The following ADARB2 variants were observed in gnomAD, a reference collection of about 807,000 sequenced individuals.
ADARB2 encodes inactive double-stranded RNA-specific editase B2.
ADARB2 carries 25 observed loss-of-function variants against 62.2 expected under a neutral mutation model. The ratio of observed to expected loss-of-function variants is 0.40; its 90% CI spans 0.29 to 0.56. The LOEUF (loss-of-function observed/expected upper bound fraction) is 0.56. ADARB2 is among the 20% of genes least tolerant of loss of function. The pLI is 0.43. For missense variants in ADARB2, 1,071 were observed against 1,077.4 expected (o/e 0.99, Z 0.08); for synonymous variants, 572 against 500.8 (o/e 1.14, Z -1.90).
At chr10:1,451,493 A>G (rs1831037222) in intron 1 of ADARB2, among the ~76,000 whole-genome samples, 1 of 152,180 alleles carries the variant, frequency 6.6e-6, no homozygotes, top group Non-Finnish European at 1.5e-5. Context: ...AAGAGGGAAC[A>G]CAGCTGCAGA....
At position 1,500,936 on chromosome 10, in the gene ADARB2, C is replaced by A. The variant is rs367976924; in HGVS notation, c.101-121776G>T. Among the ~76,000 whole-genome samples the A allele has an allele frequency of 6.4e-4, 97 of 152,178 alleles. 1 individual carries two copies. In the South Asian group the frequency reaches 0.017, roughly 27 times the overall value. ...GTCTCCCAGCCTGGAGTGCAGAAGC[C>A]CAATCTGTGCTCACTGCAACCTCCA... On this transcript the variant is annotated intron_variant, in intron 1 of 9. Transcript: ENST00000381312.
chr10:1,537,186 T>C (rs2131965011), intron 1 of ADARB2, among the ~76,000 whole-genome samples: 1 of 152,306 alleles, frequency 6.6e-6, no homozygotes, highest in Admixed American at 6.5e-5. Flanking sequence ...AGAAGACATT[T>C]ATGAGGCCAA....
chr10:1,198,612 C>T (rs182409199), intron 8 of ADARB2, among the ~76,000 whole-genome samples: 18 of 152,344 alleles, frequency 1.2e-4, no homozygotes, highest in Admixed American at 3.3e-4. Context: ...CAGGCTGCAC[C>T]GGCCGTGGTG....
At chr10:1,536,194 G>A (rs983043944) in intron 1 of ADARB2, among the ~76,000 whole-genome samples, 1 of 152,100 alleles carries the variant, frequency 6.6e-6, no homozygotes, top group Non-Finnish European at 1.5e-5. Flanking sequence ...GGTGATTTGG[G>A]TTAGATGGGG....
intron 5 of ADARB2, 40 bp downstream of exon 5, chr10:1,242,091 C>A (rs537008110): frequency 5.8e-6 from 9 of 1,549,168 alleles, no homozygotes; most frequent in Non-Finnish European, 7.8e-6. Context: ...CCCCCAGCCG[C>A]GGCGTCCGCC....
chr10:1,697,411 C>T (rs949239293), intron 1 of ADARB2, among the ~76,000 whole-genome samples: 1 of 152,178 alleles, frequency 6.6e-6, no homozygotes, highest in African/African-American at 2.4e-5. Flanking sequence ...CTGAGCGAGA[C>T]AGACACAGAG....
At chr10:1,293,667 A>G (rs1831498319) in intron 3 of ADARB2, among the ~76,000 whole-genome samples, 1 of 152,196 alleles carries the variant, frequency 6.6e-6, no homozygotes, top group South Asian at 2.1e-4. Flanking sequence ...CTTCCTCTGG[A>G]GATGTGTATC....
At chr10:1,323,698 TA>T (rs960272753) in intron 3 of ADARB2, among the ~76,000 whole-genome samples, 13 of 147,780 alleles carry the variant, frequency 8.8e-5, no homozygotes, top group South Asian at 4.3e-4. Flanking sequence ...AACACAGCCT[TA>T]AAAAAAAAAG....
intron 3 of ADARB2, among the ~76,000 whole-genome samples, chr10:1,318,387 C>G (rs1187030917): frequency 6.6e-6 from 1 of 152,184 alleles, no homozygotes; most frequent in Non-Finnish European, 1.5e-5. Context: ...ATTTGAGAAC[C>G]ATGCAGGAGT....
At chr10:1,416,841 G>T (rs886291173) in intron 1 of ADARB2, among the ~76,000 whole-genome samples, 2 of 152,250 alleles carry the variant, frequency 1.3e-5, no homozygotes, top group East Asian at 1.9e-4. Flanking sequence ...CATTGGCAGC[G>T]CCCAGCTTGC....
chr10:1,631,219 C>T (rs1833838758), intron 1 of ADARB2, among the ~76,000 whole-genome samples: 1 of 152,148 alleles, frequency 6.6e-6, no homozygotes, highest in African/African-American at 2.4e-5. Context: ...CACCTCCACC[C>T]TTTCTACCCT....
At chr10:1,429,818 T>C (rs550117929) in intron 1 of ADARB2, among the ~76,000 whole-genome samples, 98 of 152,180 alleles carry the variant, frequency 6.4e-4, no homozygotes, top group Non-Finnish European at 2.1e-4. Flanking sequence ...CTATAACTGC[T>C]ATTTTTGCTT....
At chr10:1,495,611 TAGA>T (rs1831678228) in intron 1 of ADARB2, among the ~76,000 whole-genome samples, 1 of 65,712 alleles carries the variant, frequency 1.5e-5, no homozygotes, top group Non-Finnish European at 4.2e-5. Flanking sequence ...AGAGGAGCCT[TAGA>T]AATATTCCAT....
intron 1 of ADARB2, among the ~76,000 whole-genome samples, chr10:1,397,856 G>T (rs1232642082): frequency 1.9e-5 from 2 of 106,610 alleles, no homozygotes; most frequent in Admixed American, 8.5e-5. Context: ...CTCCCCTCCC[G>T]AGTGGAGGCT....
chr10:1,411,509 C>A (rs963578155), intron 1 of ADARB2, among the ~76,000 whole-genome samples: 1 of 152,196 alleles, frequency 6.6e-6, no homozygotes, highest in Non-Finnish European at 1.5e-5. Flanking sequence ...GAACCCAAAG[C>A]GGGAATTTGA....
chr10:1,466,047 A>C (rs982404186), intron 1 of ADARB2, among the ~76,000 whole-genome samples: 1 of 152,254 alleles, frequency 6.6e-6, no homozygotes, highest in African/African-American at 2.4e-5. Context: ...GAAGGCTCTC[A>C]GTTGCCATCA....
At chr10:1,699,106 A>G (rs1437730614) in intron 1 of ADARB2, among the ~76,000 whole-genome samples, 2 of 152,272 alleles carry the variant, frequency 1.3e-5, no homozygotes, top group Non-Finnish European at 2.9e-5. Context: ...CTGACACTGC[A>G]GTGATTTTAA....
At chr10:1,717,156 CTTTTTTTTTT>C (rs397969884) in intron 1 of ADARB2, among the ~76,000 whole-genome samples, 25 of 63,270 alleles carry the variant, frequency 4.0e-4, no homozygotes, top group African/African-American at 1.5e-3. Flanking sequence ...TTGTAGTGTG[CTTTTTTTTTT>C]TTTTTTTTTT....
intron 1 of ADARB2, among the ~76,000 whole-genome samples, chr10:1,565,380 G>A (rs180719101): frequency 4.7e-4 from 71 of 152,272 alleles, no homozygotes; most frequent in Admixed American, 1.2e-3. Context: ...GGGTATGCAT[G>A]TAATGTTATG....
Sources: gnomAD v4.1 joint callset for allele counts (sites outside exome capture counted in the v4.1 genomes callset) on GRCh38, gnomAD v4.1.1 for gene constraint, MANE v1.5 for transcripts, NCBI Gene and HGNC (gene_info 2026-07-23, HGNC 2026-07-21) for gene names.